HLCS: variants seen among roughly 807,000 people sequenced by gnomAD.
HLCS encodes holocarboxylase synthetase.
HLCS carries 53 observed loss-of-function variants against 75.0 expected under a neutral mutation model. The observed-to-expected ratio is 0.71, with a 90% CI of 0.57 to 0.89. The LOEUF is 0.89. Ranked by LOEUF, HLCS falls within the 40% of genes least tolerant of loss-of-function variation. The pLI, the probability that HLCS is intolerant of heterozygous loss-of-function variation, is 0.00. For synonymous variants in HLCS, 431 were observed against 428.6 expected, an observed-to-expected ratio of 1.01 and a Z score of -0.07; for missense variants, 966 against 1,074.0, an observed-to-expected ratio of 0.90 and a Z score of 1.41.
intron 6 of HLCS, among the ~76,000 whole-genome samples, chr21:36,770,311 A>C (rs1313895619): frequency 6.6e-6 from 1 of 151,784 alleles, no homozygotes; most frequent in Non-Finnish European, 1.5e-5. Flanking sequence ...CATGCCCAAC[A>C]AATTTTTGTA....
chr21:36,979,982 C>A (rs375790560), intron 1 of HLCS, among the ~76,000 whole-genome samples: 2 of 144,824 alleles, frequency 1.4e-5, no homozygotes, highest in African/African-American at 5.2e-5. Flanking sequence ...GCCGCAATCA[C>A]GCCACTTGTA....
At chr21:36,979,527 T>TA (rs2069048929) in intron 1 of HLCS, among the ~76,000 whole-genome samples, 1 of 152,188 alleles carries the variant, frequency 6.6e-6, no homozygotes, top group Non-Finnish European at 1.5e-5. Context: ...CCTCTGTTGA[T>TA]ACACCTTGCT....
chr21:36,989,965 C>T (rs945089217), intron 1 of HLCS, among the ~76,000 whole-genome samples: 10 of 152,090 alleles, frequency 6.6e-5, no homozygotes, highest in Non-Finnish European at 1.3e-4. Context: ...ATGGCTGCTC[C>T]ACCGGAAGCC....
chr21:36,956,267 G>A (rs965427444), intron 2 of HLCS, among the ~76,000 whole-genome samples: 2 of 152,106 alleles, frequency 1.3e-5, no homozygotes, highest in Non-Finnish European at 1.5e-5. Context: ...GGGGAGGCAC[G>A]TGTAGTTCTA....
chr21:36,820,372 C>T (rs892274746), intron 6 of HLCS, among the ~76,000 whole-genome samples: 2 of 152,086 alleles, frequency 1.3e-5, no homozygotes, highest in African/African-American at 2.4e-5. Context: ...CAGCCACGGC[C>T]GGGCCGCCGA....
intron 6 of HLCS, among the ~76,000 whole-genome samples, chr21:36,884,848 G>T (rs568099512): frequency 6.6e-6 from 1 of 152,088 alleles, no homozygotes; most frequent in Non-Finnish European, 1.5e-5. Context: ...TCAGGTGCAC[G>T]TGTTTCTGAC....
chr21:36,783,113 C>T (rs2060583032), intron 6 of HLCS, among the ~76,000 whole-genome samples: 1 of 152,198 alleles, frequency 6.6e-6, no homozygotes, highest in African/African-American at 2.4e-5. Context: ...CCCACCTCAA[C>T]AAGCATGGGT....
rs1217890064 is a variant in HLCS, at chr21:36,937,098, G to A, written c.788C>T (p.Thr263Ile). 1.9e-6 allele frequency: 3 copies of A among 1,614,136 alleles called. No homozygotes were observed. Among genetic ancestry groups the A allele is most frequent in the Non-Finnish European group, 1.7e-6 (2 of 1,180,038 alleles). ...CHECLELENS[T>I]IESVKFASAE... ...AGACGCAAACTTGACTGACTCAATG[G>A]TGCTGTTCTCAAGTTCCAGACACTC... The change falls in exon 4 of 11, where the codon ACC becomes ATC. Residue 263 changes from threonine (T) to isoleucine (I), a missense_variant. By Grantham distance (89) the Thr-to-Ile change is moderately conservative. Coordinates refer to ENST00000674895, the MANE Select transcript of HLCS (RefSeq NM_001352514.2).
At chr21:36,961,818 G>C (rs1297916857) in intron 2 of HLCS, among the ~76,000 whole-genome samples, 1 of 152,038 alleles carries the variant, frequency 6.6e-6, no homozygotes, top group African/African-American at 2.4e-5. Context: ...GCCTGGTGTG[G>C]TGGCACACGC....
chr21:36,769,516 G>A (rs898150458), intron 6 of HLCS, among the ~76,000 whole-genome samples: 4 of 152,188 alleles, frequency 2.6e-5, no homozygotes, highest in African/African-American at 9.6e-5. Context: ...AAGGAGGGGG[G>A]TTCCATAATG....
intron 6 of HLCS, among the ~76,000 whole-genome samples, chr21:36,815,554 T>G (rs2145978264): frequency 6.6e-6 from 1 of 152,312 alleles, no homozygotes; most frequent in East Asian, 1.9e-4. Flanking sequence ...GCAGTACGCT[T>G]AAGAATCCAA....
upstream of HLCS, among the ~76,000 whole-genome samples, chr21:36,970,008 C>A (rs187706789): frequency 1.2e-3 from 178 of 152,336 alleles, 3 homozygotes; most frequent in Admixed American, 0.012. Context: ...AAAGTCTCCA[C>A]AGACTCAAAA....
At position 36,889,350 on chromosome 21, in the gene HLCS, G is replaced by A. The variant is rs1015906581; in HGVS notation, c.1892+7510C>T. ...TGCTCACCACACACTGCGGTTTCACGTCATTTCACTCTCTGATGGAGACTT... is the reference window on the plus strand; with the variant it reads ...TGCTCACCACACACTGCGGTTTCACATCATTTCACTCTCTGATGGAGACTT... On this transcript the variant is annotated intron_variant, in intron 6 of 10. Coordinates refer to ENST00000674895, the MANE Select transcript of HLCS (RefSeq NM_001352514.2). 2.6e-5 allele frequency among the ~76,000 whole-genome samples: 4 copies of A among 152,182 alleles called. No individual in the cohort carries two copies. The South Asian group carries it at 6.2e-4, about 24-fold the overall frequency.
intron 2 of HLCS, among the ~76,000 whole-genome samples, chr21:36,944,861 G>A (rs542269773): frequency 5.8e-4 from 88 of 152,174 alleles, no homozygotes; most frequent in African/African-American, 1.9e-3. Flanking sequence ...GGTGGCTCAC[G>A]CCTGTAATCC....
In HLCS at chr21:36,916,234, G is replaced by A. The variant is rs1026009661; in HGVS notation, c.1620+14017C>T. The stretch of plus-strand genomic sequence containing the variant: ...AAGAAAAAATTCAAATCCTATACCC[G>A]TGACATGATCATCAGTGGAATTTTC... On this transcript the variant is annotated intron_variant, in intron 5 of 10. Transcript: ENST00000674895. Among the ~76,000 whole-genome samples, 5 of 152,146 alleles carry A rather than the reference G, an allele frequency of 3.3e-5. No homozygotes were observed. In the East Asian group the frequency reaches 7.7e-4, roughly 23 times the overall value.
chr21:36,889,725 C>CCAGACA (rs755033292), intron 6 of HLCS, among the ~76,000 whole-genome samples: 22 of 152,256 alleles, frequency 1.4e-4, no homozygotes, highest in Non-Finnish European at 1.2e-4. Flanking sequence ...GTTCACTGTC[C>CCAGACA]CAGACACAGA....
chr21:36,939,693 C>T (rs3827189), intron 2 of HLCS, among the ~76,000 whole-genome samples: 92,111 of 151,908 alleles, frequency 0.61, 28,712 homozygotes, highest in African/African-American at 0.74. Flanking sequence ...TACAGAAGAC[C>T]GTGACACTGG....
intron 6 of HLCS, among the ~76,000 whole-genome samples, chr21:36,828,287 C>T (rs530672211): frequency 1.2e-4 from 18 of 151,956 alleles, no homozygotes; most frequent in African/African-American, 4.1e-4. Context: ...TGCTAATAGG[C>T]CATAATTTAT....
At chr21:36,867,858 T>C (rs1342540796) in intron 6 of HLCS, among the ~76,000 whole-genome samples, 1 of 152,196 alleles carries the variant, frequency 6.6e-6, no homozygotes, top group Non-Finnish European at 1.5e-5. Context: ...GATGACCAGG[T>C]GCGGTGGCTC....
Sources: allele counts gnomAD v4.1 joint callset (sites outside exome capture counted in the v4.1 genomes callset), GRCh38; gene constraint gnomAD v4.1.1; transcripts MANE v1.5; gene names NCBI Gene and HGNC (gene_info 2026-07-23, HGNC 2026-07-21).